Variants in IGSF21 observed in about 807,000 individuals in gnomAD.
IGSF21 encodes immunoglobulin superfamily member 21.
Under a neutral mutation model 46.8 loss-of-function variants are expected in IGSF21, and 28 were observed. The ratio of observed to expected loss-of-function variants is 0.60; its 90% CI spans 0.44 to 0.82. The LOEUF (loss-of-function observed/expected upper bound fraction) is 0.82, where lower values mean the gene tolerates loss of function less well. IGSF21 is among the 40% of genes least tolerant of loss of function. The pLI, the probability that IGSF21 is intolerant of heterozygous loss-of-function variation, is 0.00. For missense variants in IGSF21, 624 were observed against 665.5 expected (o/e 0.94, Z 0.69); for synonymous variants, 284 against 273.6 (o/e 1.04, Z -0.38).
intron 1 of IGSF21, among the ~76,000 whole-genome samples, chr1:18,124,394 A>C (rs2086258516): frequency 6.6e-6 from 1 of 152,232 alleles, no homozygotes; most frequent in Non-Finnish European, 1.5e-5. Flanking sequence ...GAACTAGTGC[A>C]GAGAGGTTAA....
At chr1:18,153,091 C>T (rs2086535438) in intron 1 of IGSF21, among the ~76,000 whole-genome samples, 1 of 152,184 alleles carries the variant, frequency 6.6e-6, no homozygotes, top group Admixed American at 6.5e-5. Flanking sequence ...TTCGAGCCCC[C>T]AAGGGCACTC....
chr1:18,334,422 G>A lies in IGSF21; in HGVS notation c.306-470G>A, dbSNP rs993387090. Among the ~76,000 whole-genome samples the A allele has an allele frequency of 9.9e-5, 15 of 152,254 alleles. No homozygotes were observed. In the East Asian group the frequency reaches 2.7e-3, roughly 27 times the overall value. ...TGGTTCTTATTAGCAATTGAGTTCC[G>A]TCCTGAGCCTCAGTTTCCTTGTTTA... On this transcript the variant is annotated intron_variant, in intron 3 of 9. Coordinates refer to ENST00000251296, the MANE Select transcript of IGSF21 (RefSeq NM_032880.5). This position sits in a 1 kb window ranked among gnomAD's most constrained non-coding sequence, Gnocchi z 4.3.
rs768157284 is a variant in IGSF21, at chr1:18,217,043, C to T, written c.71-10855C>T. On this transcript the variant is annotated intron_variant, in intron 1 of 9. Transcript: ENST00000251296. The stretch of plus-strand genomic sequence containing the variant: ...GACCCACAGCAGGGGGAGGGTGGTG[C>T]GAGGAATTTATGTGGCCCTGACTGT... Among the ~76,000 whole-genome samples the T allele has an allele frequency of 3.9e-5, 6 of 152,030 alleles. No homozygotes were observed. In the South Asian group the frequency reaches 6.2e-4, roughly 16 times the overall value.
At chr1:18,174,919 T>C (rs2124463289) in intron 1 of IGSF21, among the ~76,000 whole-genome samples, 1 of 152,352 alleles carries the variant, frequency 6.6e-6, no homozygotes, top group South Asian at 2.1e-4. Context: ...CAGTGAGCAC[T>C]GGAGGTCTCT....
In IGSF21 at chr1:18,359,363, A is replaced by G. The variant is rs191354096; in HGVS notation, c.425-2752A>G. ...AAAAGAAAGAAAGAAAGAAAGAAAG[A>G]AAGAAAGAAAGAAAGAAAGAAAGGA... On this transcript the variant is annotated intron_variant, in intron 4 of 9. Transcript: ENST00000251296. Among the ~76,000 whole-genome samples, 6 of 90,120 alleles carry G rather than the reference A, an allele frequency of 6.7e-5. 1 individual carries two copies. Among genetic ancestry groups the G allele is most frequent in the Admixed American group, 1.2e-4 (1 of 8,468 alleles). 59.1% of individuals were successfully genotyped at this position (90,120 alleles called of 152,430 possible).
intron 4 of IGSF21, among the ~76,000 whole-genome samples, chr1:18,349,652 C>T (rs1029778353): frequency 1.3e-5 from 2 of 152,176 alleles, no homozygotes; most frequent in African/African-American, 4.8e-5. Context: ...CAGCACTCAC[C>T]ACAGCTGACA....
chr1:18,299,079 A>G (rs1416150112), intron 3 of IGSF21, among the ~76,000 whole-genome samples: 1 of 152,260 alleles, frequency 6.6e-6, no homozygotes, highest in African/African-American at 2.4e-5. Flanking sequence ...TGGGGAAATC[A>G]GGGTGATGCT....
chr1:18,168,630 G>A lies in IGSF21; in HGVS notation c.71-59268G>A, dbSNP rs143561855. 1.9e-4 allele frequency among the ~76,000 whole-genome samples: 29 copies of A among 152,206 alleles called. No homozygotes were observed. In the East Asian group the frequency reaches 5.6e-3, roughly 29 times the overall value. On this transcript the variant is annotated intron_variant, in intron 1 of 9. Transcript: ENST00000251296. ...TTCACTCAGCCTTCTCCTTAATTACGCCTTATGTTGCAAGGGGCAGGGGAT... is the reference window on the plus strand; with the variant it reads ...TTCACTCAGCCTTCTCCTTAATTACACCTTATGTTGCAAGGGGCAGGGGAT...
At position 18,228,004 on chromosome 1, in the gene IGSF21, G is replaced by A; in HGVS notation, c.177G>A (p.Trp59Ter). 1 of 1,613,226 alleles carries A rather than the reference G, an allele frequency of 6.2e-7. No individual in the cohort carries two copies. The highest frequency in any genetic ancestry group is 8.5e-7 in the Non-Finnish European group (1 of 1,179,224). ...ATGGGCGCATGCGGGAGATCGTGTGGTACCGGGTAAGTCACTACTACTGCC... is the reference window on the plus strand; with the variant it reads ...ATGGGCGCATGCGGGAGATCGTGTGATACCGGGTAAGTCACTACTACTGCC... ...KTDGRMREIV[W>*]YRVTDGGTIK... The change falls in exon 2 of 10, where the codon TGG becomes TGA. Residue 59 changes from tryptophan to a stop codon, truncating the protein, a stop_gained. Transcript: ENST00000251296. LOFTEE classifies it high-confidence loss of function.
At chr1:18,127,841 C>A (rs538694040) in intron 1 of IGSF21, among the ~76,000 whole-genome samples, 7 of 152,050 alleles carry the variant, frequency 4.6e-5, no homozygotes, top group African/African-American at 1.5e-4. Flanking sequence ...CCCGGGAAGT[C>A]GAGGTTATAG....
At chr1:18,356,129 C>G (rs1185532656) in intron 4 of IGSF21, among the ~76,000 whole-genome samples, 2 of 152,200 alleles carry the variant, frequency 1.3e-5, no homozygotes, top group African/African-American at 4.8e-5. Context: ...GCCCCTGCAC[C>G]TGGCCTAGAT....
chr1:18,340,651 G>T (rs907593194), intron 4 of IGSF21, among the ~76,000 whole-genome samples: 9 of 152,306 alleles, frequency 5.9e-5, no homozygotes, highest in South Asian at 4.1e-4. Flanking sequence ...GCAATGTATT[G>T]TCTCACAGTG....
intron 4 of IGSF21, among the ~76,000 whole-genome samples, chr1:18,338,768 G>T (rs764869935): frequency 3.9e-5 from 6 of 152,198 alleles, no homozygotes; most frequent in Non-Finnish European, 8.8e-5. Flanking sequence ...GCTGCACACG[G>T]TCATTAAAAT....
intron 1 of IGSF21, among the ~76,000 whole-genome samples, chr1:18,225,246 T>C (rs1457301461): frequency 3.3e-5 from 5 of 151,910 alleles, no homozygotes; most frequent in African/African-American, 1.2e-4. Context: ...CACTTCCTGA[T>C]TCACCTCTAA....
rs373007630 is a variant in IGSF21 at position 18,153,225 on chromosome 1, G to A, written c.70+45027G>A. ...CCAAGAGAGTGATGGAGGCATTCCC[G>A]GGCGTTGCTTCAGCTTCACTGTCAA... On this transcript the variant is annotated intron_variant, in intron 1 of 9. Coordinates refer to ENST00000251296, the MANE Select transcript of IGSF21 (RefSeq NM_032880.5). Among the ~76,000 whole-genome samples, 30 of 152,308 alleles carry A rather than the reference G, an allele frequency of 2.0e-4. No individual in the cohort carries two copies. In the South Asian group the frequency reaches 5.4e-3, roughly 27 times the overall value.
intron 1 of IGSF21, among the ~76,000 whole-genome samples, chr1:18,218,053 A>C (rs2084470390): frequency 6.6e-6 from 1 of 152,236 alleles, no homozygotes; most frequent in Admixed American, 6.5e-5. Flanking sequence ...GTGTTAGTCC[A>C]TTCTTGCATT....
At chr1:18,315,233 C>T (rs887236605) in intron 3 of IGSF21, among the ~76,000 whole-genome samples, 6 of 152,180 alleles carry the variant, frequency 3.9e-5, no homozygotes, top group African/African-American at 1.4e-4. Flanking sequence ...GAGAGTTTTG[C>T]TCCTCCTCCT....
At chr1:18,122,352 G>A (rs537007357) in intron 1 of IGSF21, among the ~76,000 whole-genome samples, 9 of 150,662 alleles carry the variant, frequency 6.0e-5, no homozygotes, top group East Asian at 2.0e-4. Flanking sequence ...CACCATACCC[G>A]GCTAATTTTT....
At chr1:18,119,273 C>A (rs562176456) in intron 1 of IGSF21, among the ~76,000 whole-genome samples, 4 of 152,372 alleles carry the variant, frequency 2.6e-5, no homozygotes, top group African/African-American at 7.2e-5. Context: ...CAAGTTCTTG[C>A]CCCACTGGGG....
Sources: allele counts gnomAD v4.1 joint callset (sites outside exome capture counted in the v4.1 genomes callset), GRCh38; gene constraint gnomAD v4.1.1; non-coding constraint Gnocchi (gnomAD v3.1); transcripts MANE v1.5; gene names NCBI Gene and HGNC (gene_info 2026-07-23, HGNC 2026-07-21).